Variants in ZNF362 observed in about 807,000 individuals in gnomAD.
The protein encoded by ZNF362 is zinc finger protein 362, also known as rotund homolog.
A neutral mutation model predicts 42.9 loss-of-function variants in ZNF362; 11 were observed. That is an observed-to-expected ratio of 0.26 (90% CI 0.16 to 0.42). The LOEUF (loss-of-function observed/expected upper bound fraction) is 0.42, where lower values mean the gene tolerates loss of function less well. Ranked by LOEUF, ZNF362 falls within the 20% of genes least tolerant of loss-of-function variation. The pLI, the probability that ZNF362 is intolerant of heterozygous loss-of-function variation, is 1.00. For missense variants in ZNF362, 362 were observed against 576.2 expected (o/e 0.63, Z 3.81); for synonymous variants, 255 against 257.3 (o/e 0.99, Z 0.09).
At chr1:33,218,172 C>A in the ZNF362 span, among the ~76,000 whole-genome samples, 1 of 152,120 alleles carries the variant, frequency 6.6e-6, no homozygotes, top group African/African-American at 2.4e-5. Context: ...CTGGGCATGG[C>A]AGCTTATGCC....
At chr1:33,262,913 T>TAGGA (rs1470651580) in intron 1 of ZNF362, among the ~76,000 whole-genome samples, 1 of 152,168 alleles carries the variant, frequency 6.6e-6, no homozygotes, top group African/African-American at 2.4e-5. Context: ...GCACATCACA[T>TAGGA]AGGAGCACGT....
At position 33,298,822 on chromosome 1, in the gene ZNF362, C is replaced by T; in HGVS notation, c.1147-108C>T. ...TGCAAAACTGTGGCTGTCCTCCACCCTCTGAACCGCCTACCAAGAGCCCTC... is the reference window on the plus strand; with the variant it reads ...TGCAAAACTGTGGCTGTCCTCCACCTTCTGAACCGCCTACCAAGAGCCCTC... On this transcript the variant is annotated intron_variant, in intron 8 of 8. Coordinates refer to ENST00000539719, the MANE Select transcript of ZNF362 (RefSeq NM_152493.3). 1.2e-5 allele frequency: 11 copies of T among 917,084 alleles called. No individual in the cohort carries two copies. In the South Asian group the frequency reaches 1.4e-4, roughly 12 times the overall value. 56.8% of individuals were successfully genotyped at this position (917,084 alleles called of 1,614,324 possible). A position where few individuals can be genotyped will look rare whatever the true frequency, so the allele number is the denominator to read the frequency against.
At chr1:33,288,730 C>T (rs990252420) in intron 6 of ZNF362, among the ~76,000 whole-genome samples, 4 of 71,696 alleles carry the variant, frequency 5.6e-5, no homozygotes, top group South Asian at 5.2e-4. Flanking sequence ...GGCGATAGAG[C>T]GAGACTCTGT....
the ZNF362 span, among the ~76,000 whole-genome samples, chr1:33,218,978 C>CACACACACACACATACAT: frequency 7.4e-6 from 1 of 134,340 alleles, no homozygotes; most frequent in Non-Finnish European, 1.7e-5. Flanking sequence ...CACACACACA[C>CACACACACACACATACAT]ACATACACCA....
At chr1:33,240,910 C>T in the ZNF362 span, among the ~76,000 whole-genome samples, 7 of 152,134 alleles carry the variant, frequency 4.6e-5, no homozygotes, top group Non-Finnish European at 7.3e-5. Flanking sequence ...TGGTGGCAGA[C>T]GCTGCAGAAT....
At chr1:33,141,894 A>G in the ZNF362 span, 1 of 156,186 alleles carries the variant, frequency 6.4e-6, no homozygotes. Context: ...TATTCTTTTC[A>G]TCAAGATAGA....
chr1:33,189,663 A>ACG, the ZNF362 span, among the ~76,000 whole-genome samples: 276 of 25,394 alleles, frequency 0.011, 16 homozygotes, highest in South Asian at 0.05. Flanking sequence ...ATATATATAT[A>ACG]TATATATATG....
Position 33,299,235 on chromosome 1 carries a change from A to T in ZNF362, c.*189A>T. On this transcript the variant is annotated 3_prime_UTR_variant, in exon 9 of 9. Transcript: ENST00000539719. ...CGGGGGCGGCCAGGCCAACTGCAAG[A>T]TTCTGGACTGTTTTGGTGGCATCCA... 1.8e-6 allele frequency: 1 copy of T among 552,796 alleles called. No individual in the cohort carries two copies. The highest frequency in any genetic ancestry group is 3.3e-6 in the Non-Finnish European group (1 of 306,188). The allele number at this position is 552,796 out of a possible 1,614,324, so 34.2% of individuals were successfully genotyped here. A position where few individuals can be genotyped will look rare whatever the true frequency, so the allele number is the denominator to read the frequency against.
At chr1:33,189,509 A>G in the ZNF362 span, among the ~76,000 whole-genome samples, 1 of 151,000 alleles carries the variant, frequency 6.6e-6, no homozygotes, top group Non-Finnish European at 1.5e-5. Context: ...CCCCATATAT[A>G]TATATTCTAC....
chr1:33,232,669 G>C, the ZNF362 span, among the ~76,000 whole-genome samples: 2 of 152,240 alleles, frequency 1.3e-5, no homozygotes, highest in African/African-American at 2.4e-5. Context: ...GAAGGAAGCT[G>C]ACACCGCTTG....
intron 8 of ZNF362, among the ~76,000 whole-genome samples, chr1:33,296,824 G>GTT (rs10595778): frequency 1.3e-4 from 17 of 135,514 alleles, no homozygotes; most frequent in East Asian, 4.3e-4. Flanking sequence ...GTCAGGAAGG[G>GTT]TTTTTTTTTT....
chr1:33,260,731 C>T (rs1004790681), intron 1 of ZNF362, among the ~76,000 whole-genome samples: 1 of 152,114 alleles, frequency 6.6e-6, no homozygotes, highest in East Asian at 1.9e-4. Flanking sequence ...GGTGTGGCAG[C>T]GCATTGCCTG....
the ZNF362 span, among the ~76,000 whole-genome samples, chr1:33,203,053 T>C: frequency 1.3e-5 from 2 of 152,202 alleles, no homozygotes; most frequent in African/African-American, 4.8e-5. Context: ...TTATTAGTGA[T>C]AGTCCTTATG....
upstream of ZNF362, among the ~76,000 whole-genome samples, chr1:33,256,291 C>A (rs1288198795): frequency 7.0e-6 from 1 of 143,324 alleles, no homozygotes; most frequent in Non-Finnish European, 1.5e-5. Context: ...CTCGCGCAGT[C>A]GCCAGCGCCC....
the ZNF362 span, among the ~76,000 whole-genome samples, chr1:33,216,599 C>CATAAAAA: frequency 1.4e-5 from 1 of 71,900 alleles, no homozygotes. Flanking sequence ...GACTCTGTCT[C>CATAAAAA]AAAAAAAAAA....
At chr1:33,143,546 A>C in the ZNF362 span, among the ~76,000 whole-genome samples, 88 of 152,012 alleles carry the variant, frequency 5.8e-4, no homozygotes, top group African/African-American at 2.0e-3. Flanking sequence ...AGACCTCTCC[A>C]CCCACCCCTG....
chr1:33,205,803 G>C, the ZNF362 span, among the ~76,000 whole-genome samples: 1 of 151,838 alleles, frequency 6.6e-6, no homozygotes, highest in Non-Finnish European at 1.5e-5. Flanking sequence ...GTAATCTCAG[G>C]TACTTGGGAG....
At chr1:33,287,421 G>C (rs1311964942) in intron 6 of ZNF362, among the ~76,000 whole-genome samples, 1 of 152,210 alleles carries the variant, frequency 6.6e-6, no homozygotes, top group African/African-American at 2.4e-5. Context: ...AGGAGGTAGA[G>C]GCTGCAGTGA....
At chr1:33,256,166 A>AGGCGGT (rs1335434679), upstream of ZNF362, among the ~76,000 whole-genome samples, 4 of 147,128 alleles carry the variant, frequency 2.7e-5, no homozygotes, top group African/African-American at 7.4e-5. Context: ...CAACTTTGCC[A>AGGCGGT]GGCGGTGGCG....
Sources: allele counts gnomAD v4.1 joint callset (sites outside exome capture counted in the v4.1 genomes callset), GRCh38; gene constraint gnomAD v4.1.1; transcripts MANE v1.5; gene names NCBI Gene and HGNC (gene_info 2026-07-23, HGNC 2026-07-21).